Variants in RALYL observed in about 807,000 individuals in gnomAD.
RALYL encodes RALY RNA binding protein like.
A neutral mutation model predicts 35.1 loss-of-function variants in RALYL; 29 were observed. The observed-to-expected ratio is 0.83, with a 90% CI of 0.61 to 1.13. RALYL has a LOEUF of 1.13. RALYL is among the 50% of genes most tolerant of loss of function. The probability of loss-of-function intolerance (pLI) is 0.00; values close to 1 mark genes in which losing one functional copy is unlikely to be tolerated. For missense variants in RALYL, 359 were observed against 360.4 expected, an observed-to-expected ratio of 1.00 and a Z score of 0.03; for synonymous variants, 120 against 127.6, an observed-to-expected ratio of 0.94 and a Z score of 0.40.
At chr8:84,905,111 CT>C (rs1464097120) in intron 8 of RALYL, among the ~76,000 whole-genome samples, 1 of 152,154 alleles carries the variant, frequency 6.6e-6, no homozygotes, top group Non-Finnish European at 1.5e-5. Flanking sequence ...TCTCTGCCCC[CT>C]GGTAACTACC....
chr8:84,895,233 A>T lies in RALYL; in HGVS notation c.858+7457A>T, dbSNP rs117729365. On this transcript the variant is annotated intron_variant, in intron 8 of 8. Transcript: ENST00000521268. ...CCTACTGAGAACAGATATTGAAGGC[A>T]TAAAGAAATCAGTACCATTATTTGG... Among the ~76,000 whole-genome samples the T allele has an allele frequency of 1.1e-4, 17 of 152,240 alleles. No individual in the cohort carries two copies. In the East Asian group the frequency reaches 1.4e-3, roughly 12 times the overall value.
At chr8:84,791,012 T>G (rs192053274) in intron 3 of RALYL, among the ~76,000 whole-genome samples, 2 of 152,300 alleles carry the variant, frequency 1.3e-5, no homozygotes, top group African/African-American at 4.8e-5. Context: ...ATTTGATTTA[T>G]GACAAAGTAG....
At chr8:84,309,411 TTAA>T (rs929872951) in intron 1 of RALYL, among the ~76,000 whole-genome samples, 1 of 151,464 alleles carries the variant, frequency 6.6e-6, no homozygotes, top group African/African-American at 2.4e-5. Context: ...GAAAAATATA[TTAA>T]TAACAAAATT....
chr8:84,557,505 T>C (rs1475865098), intron 2 of RALYL, among the ~76,000 whole-genome samples: 1 of 152,194 alleles, frequency 6.6e-6, no homozygotes, highest in African/African-American at 2.4e-5. Context: ...TATATCGCAA[T>C]CTGAAATCAG....
chr8:84,271,291 A>G (rs1294569563), intron 1 of RALYL, among the ~76,000 whole-genome samples: 1 of 152,104 alleles, frequency 6.6e-6, no homozygotes, highest in Non-Finnish European at 1.5e-5. Flanking sequence ...CATAAAGTAT[A>G]CTCAACATCA....
chr8:84,460,410 A>G (rs2050627869), intron 1 of RALYL, among the ~76,000 whole-genome samples: 1 of 151,764 alleles, frequency 6.6e-6, no homozygotes, highest in Non-Finnish European at 1.5e-5. Flanking sequence ...TGTTCGTAAG[A>G]GTAAAATGCC....
chr8:84,314,127 A>G (rs1843315894), intron 1 of RALYL, among the ~76,000 whole-genome samples: 1 of 152,142 alleles, frequency 6.6e-6, no homozygotes, highest in Non-Finnish European at 1.5e-5. Flanking sequence ...GCGCAAGTGC[A>G]GGGTAAACAC....
chr8:84,220,435 A>G (rs1821920044), intron 1 of RALYL, among the ~76,000 whole-genome samples: 1 of 151,990 alleles, frequency 6.6e-6, no homozygotes, highest in Non-Finnish European at 1.5e-5. Context: ...GAAGCAGATA[A>G]TATTCTTGTC....
chr8:84,592,032 C>T (rs1813418046), intron 2 of RALYL, among the ~76,000 whole-genome samples: 1 of 151,792 alleles, frequency 6.6e-6, no homozygotes, highest in Admixed American at 6.6e-5. Flanking sequence ...TTCTATGTGC[C>T]CCACACATGA....
intron 1 of RALYL, among the ~76,000 whole-genome samples, chr8:84,525,172 C>A (rs963744133): frequency 2.0e-5 from 3 of 151,890 alleles, no homozygotes; most frequent in East Asian, 1.9e-4. Context: ...ATAGAAAATT[C>A]TTTGGAACAA....
At chr8:84,209,125 C>CAAAAAAAAAAAAAAAAAAAAAAAAAAAA (rs60246316) in intron 1 of RALYL, among the ~76,000 whole-genome samples, 1 of 97,534 alleles carries the variant, frequency 1.0e-5, no homozygotes, top group African/African-American at 3.9e-5. Context: ...ACTCCTCCAC[C>CAAAAAAAAAAAAAAAAAAAAAAAAAAAA]AAAAAAAAAA....
At chr8:84,761,714 TA>T (rs1352407909) in intron 2 of RALYL, among the ~76,000 whole-genome samples, 2 of 152,144 alleles carry the variant, frequency 1.3e-5, no homozygotes, top group Admixed American at 6.6e-5. Context: ...AAACACTTAT[TA>T]AGCTCCATCT....
rs182965355 is a variant in RALYL, at chr8:84,889,108, A to G, written c.858+1332A>G. Among the ~76,000 whole-genome samples the G allele has an allele frequency of 3.0e-3, 458 of 152,290 alleles. 2 individuals carry two copies. The highest frequency in any genetic ancestry group is 3.8e-3 in the Non-Finnish European group (257 of 68,026). On this transcript the variant is annotated intron_variant, in intron 8 of 8. Coordinates refer to ENST00000521268, the MANE Select transcript of RALYL (RefSeq NM_173848.7). ...TTTAACAACCACCCCTATTTCCATG[A>G]AAGTCTGTATCAGTTTGCAGAACAC... is the stretch of plus-strand genomic sequence containing the variant.
At chr8:84,580,137 A>C (rs547297159) in intron 2 of RALYL, among the ~76,000 whole-genome samples, 2 of 152,340 alleles carry the variant, frequency 1.3e-5, no homozygotes, top group African/African-American at 4.8e-5. Context: ...ATCATATAAG[A>C]CAGCACAAAT....
intron 1 of RALYL, among the ~76,000 whole-genome samples, chr8:84,413,662 G>A (rs2044325363): frequency 6.6e-6 from 1 of 151,996 alleles, no homozygotes; most frequent in Non-Finnish European, 1.5e-5. Context: ...CCATAAAAGT[G>A]CCAAGTTATT....
intron 1 of RALYL, among the ~76,000 whole-genome samples, chr8:84,502,394 C>A (rs1310374206): frequency 3.3e-5 from 5 of 151,988 alleles, no homozygotes; most frequent in Non-Finnish European, 7.4e-5. Flanking sequence ...TCCCAAGCAT[C>A]CCTTGACCAA....
rs1453566163 is a variant in RALYL, at chr8:84,529,423, G to C, written c.102G>C (p.Lys34Asn). 2.5e-6 allele frequency: 4 copies of C among 1,613,178 alleles called. No homozygotes were observed. The highest frequency in any genetic ancestry group is 3.4e-6 in the Non-Finnish European group (4 of 1,179,632). Reference sequence around the variant, plus strand: ...GCAATCTAAATACGGCAATTGTCAAGAAAGTTGACATTGAAGCCATTTTTT... The same window carrying C: ...GCAATCTAAATACGGCAATTGTCAACAAAGTTGACATTGAAGCCATTTTTT... ...FIGNLNTAIV[K>N]KVDIEAIFSK... is the part of the protein sequence containing the mutation. Residue 34 changes from lysine to asparagine, a missense_variant, in exon 2 of 9, where the codon AAG becomes AAC. Coordinates refer to ENST00000521268, the MANE Select transcript of RALYL (RefSeq NM_173848.7).
intron 4 of RALYL, among the ~76,000 whole-genome samples, chr8:84,808,324 G>A (rs563812788): frequency 1.3e-5 from 2 of 151,928 alleles, no homozygotes; most frequent in Admixed American, 6.6e-5. Context: ...AAGTATTTGG[G>A]TTTATTTCTG....
intron 1 of RALYL, among the ~76,000 whole-genome samples, chr8:84,294,426 A>G (rs192944435): frequency 3.8e-4 from 58 of 152,314 alleles, no homozygotes; most frequent in African/African-American, 1.1e-3. Flanking sequence ...CTTCAGTTTC[A>G]TATGAGGATA....
Sources: gnomAD v4.1 joint callset for allele counts (sites outside exome capture counted in the v4.1 genomes callset) on GRCh38, gnomAD v4.1.1 for gene constraint, MANE v1.5 for transcripts, NCBI Gene and HGNC (gene_info 2026-07-23, HGNC 2026-07-21) for gene names.